The following DSCAM variants were observed in gnomAD, a reference collection of about 807,000 sequenced individuals.
The protein encoded by DSCAM is DS cell adhesion molecule.
Under a neutral mutation model 217.7 loss-of-function variants are expected in DSCAM, and 47 were observed. The observed-to-expected ratio is 0.22, with a 90% CI of 0.17 to 0.28. The LOEUF (loss-of-function observed/expected upper bound fraction) is 0.28, where lower values mean the gene tolerates loss of function less well. Ranked by LOEUF, DSCAM falls within the 10% of genes least tolerant of loss-of-function variation. The pLI is 1.00. For synonymous variants in DSCAM, 1,056 were observed against 1,015.3 expected (o/e 1.04, Z -0.76); for missense variants, 2,080 against 2,618.3 (o/e 0.79, Z 4.49).
intron 32 of DSCAM, among the ~76,000 whole-genome samples, chr21:40,032,338 G>A (rs554943336): frequency 6.6e-6 from 1 of 152,232 alleles, no homozygotes; most frequent in East Asian, 1.9e-4. Context: ...CTTTATTTGA[G>A]AAGAATCATA....
chr21:40,548,128 A>C (rs137875965), intron 3 of DSCAM, among the ~76,000 whole-genome samples: 42 of 152,296 alleles, frequency 2.8e-4, no homozygotes, highest in African/African-American at 9.4e-4. Flanking sequence ...TATGCAGATG[A>C]GTTCATAACA....
chr21:40,233,035 C>T (rs1485652581), intron 11 of DSCAM, among the ~76,000 whole-genome samples: 1 of 151,968 alleles, frequency 6.6e-6, no homozygotes. Context: ...AATCTCTTCA[C>T]GTGAGATAAC....
intron 3 of DSCAM, among the ~76,000 whole-genome samples, chr21:40,490,657 C>T (rs2076069471): frequency 6.6e-6 from 1 of 152,194 alleles, no homozygotes; most frequent in Non-Finnish European, 1.5e-5. Flanking sequence ...TTTGGCAGTG[C>T]AGGCAGGAGC....
chr21:40,629,118 T>A lies in DSCAM; in HGVS notation c.508+63692A>T, dbSNP rs933646591. On this transcript the variant is annotated intron_variant, in intron 3 of 32. Coordinates refer to ENST00000400454, the MANE Select transcript of DSCAM (RefSeq NM_001389.5). ...GTGTGTGTGTGTGTGTGTGTGTGTG[T>A]GATATTACTTACTCTATGGCAAGCA... 1.1e-3 allele frequency among the ~76,000 whole-genome samples: 142 copies of A among 128,080 alleles called. 2 individuals are homozygous for A. In the South Asian group the frequency reaches 0.024, roughly 21 times the overall value. 84.0% of individuals were successfully genotyped at this position (128,080 alleles called of 152,430 possible).
chr21:40,723,681 G>A (rs937091119), intron 1 of DSCAM, among the ~76,000 whole-genome samples: 4 of 152,054 alleles, frequency 2.6e-5, no homozygotes, highest in African/African-American at 4.8e-5. Context: ...TATAACTAAA[G>A]AGATTCCTTT....
At chr21:40,060,484 G>A (rs2089099394) in intron 28 of DSCAM, among the ~76,000 whole-genome samples, 1 of 152,058 alleles carries the variant, frequency 6.6e-6, no homozygotes, top group Admixed American at 6.5e-5. Flanking sequence ...AGGGTAGGTT[G>A]TGCAGAGCAC....
intron 11 of DSCAM, among the ~76,000 whole-genome samples, chr21:40,219,053 C>T (rs183592857): frequency 1.6e-4 from 25 of 152,190 alleles, no homozygotes; most frequent in African/African-American, 5.5e-4. Context: ...CGTCTTGTGC[C>T]GGTTTTTAAG....
chr21:40,272,646 T>C (rs1298727751), intron 11 of DSCAM, among the ~76,000 whole-genome samples: 1 of 152,164 alleles, frequency 6.6e-6, no homozygotes, highest in Non-Finnish European at 1.5e-5. Flanking sequence ...TCCGGAGAGT[T>C]TGGGTCTTTA....
chr21:40,840,239 A>C (rs778491584), intron 1 of DSCAM, among the ~76,000 whole-genome samples: 6 of 152,228 alleles, frequency 3.9e-5, no homozygotes, highest in South Asian at 4.1e-4. Flanking sequence ...TAATGACAAA[A>C]AACCCATAAA....
chr21:40,058,063 C>T (rs748734248), intron 28 of DSCAM, among the ~76,000 whole-genome samples: 27 of 151,828 alleles, frequency 1.8e-4, no homozygotes, highest in Non-Finnish European at 2.5e-4. Context: ...TAGTAGAGAC[C>T]GGGTTTCGCC....
At chr21:40,130,295 T>C (rs984415656) in intron 19 of DSCAM, among the ~76,000 whole-genome samples, 1 of 152,188 alleles carries the variant, frequency 6.6e-6, no homozygotes, top group African/African-American at 2.4e-5. Context: ...AAGTCAGGTT[T>C]AGTTGCTGTT....
chr21:40,077,413 G>A (rs968777100), intron 26 of DSCAM, among the ~76,000 whole-genome samples: 1 of 152,088 alleles, frequency 6.6e-6, no homozygotes, highest in African/African-American at 2.4e-5. Flanking sequence ...AGGAGAAATT[G>A]GTCCGATGAA....
chr21:40,255,846 G>T (rs2073362975), intron 11 of DSCAM, among the ~76,000 whole-genome samples: 1 of 152,196 alleles, frequency 6.6e-6, no homozygotes, highest in Non-Finnish European at 1.5e-5. Context: ...ACCTGGAGCA[G>T]AATTCTGCCC....
intron 3 of DSCAM, among the ~76,000 whole-genome samples, chr21:40,518,485 A>T (rs867042721): frequency 2.0e-4 from 5 of 25,146 alleles, no homozygotes; most frequent in African/African-American, 1.3e-3. Flanking sequence ...TATATTTTAT[A>T]TATATATTAT....
At chr21:40,838,432 A>G (rs1317247021) in intron 1 of DSCAM, among the ~76,000 whole-genome samples, 1 of 152,150 alleles carries the variant, frequency 6.6e-6, no homozygotes, top group African/African-American at 2.4e-5. Flanking sequence ...CATTGTGGTG[A>G]CTCCATGATA....
At chr21:40,270,199 G>A (rs921993619) in intron 11 of DSCAM, among the ~76,000 whole-genome samples, 1 of 152,192 alleles carries the variant, frequency 6.6e-6, no homozygotes, top group Non-Finnish European at 1.5e-5. Context: ...GCACACTTAC[G>A]TTCCCTGGAT....
chr21:40,478,767 C>G (rs975024547), intron 3 of DSCAM, among the ~76,000 whole-genome samples: 1 of 152,222 alleles, frequency 6.6e-6, no homozygotes, highest in South Asian at 2.1e-4. Flanking sequence ...TCCAAGACCC[C>G]CAATGGATGC....
intron 1 of DSCAM, among the ~76,000 whole-genome samples, chr21:40,719,761 G>T (rs919822248): frequency 1.3e-5 from 2 of 152,154 alleles, no homozygotes; most frequent in African/African-American, 4.8e-5. Context: ...CTATGATGTT[G>T]AGAGTCAGAA....
intron 1 of DSCAM, among the ~76,000 whole-genome samples, chr21:40,807,408 G>T (rs35138907): frequency 0.24 from 35,690 of 151,776 alleles, 6,287 homozygotes; most frequent in African/African-American, 0.5. Context: ...CCCCTTAACT[G>T]CCATCAGCCA....
Sources: gnomAD v4.1 joint callset for allele counts (sites outside exome capture counted in the v4.1 genomes callset) on GRCh38, gnomAD v4.1.1 for gene constraint, MANE v1.5 for transcripts, NCBI Gene and HGNC (gene_info 2026-07-23, HGNC 2026-07-21) for gene names.